The following POLK variants were observed in gnomAD, a reference collection of about 807,000 sequenced individuals.
POLK encodes DNA polymerase kappa.
POLK carries 76 observed loss-of-function variants against 94.0 expected under a neutral mutation model. The ratio of observed to expected loss-of-function variants is 0.81; its 90% CI spans 0.67 to 0.98. POLK has a LOEUF of 0.98. Ranked by LOEUF, POLK falls within the 50% of genes least tolerant of loss-of-function variation. The pLI is 0.00. For synonymous variants in POLK, 349 were observed against 325.4 expected (o/e 1.07, Z -0.78); for missense variants, 954 against 1,010.1 (o/e 0.94, Z 0.75).
intron 4 of POLK, among the ~76,000 whole-genome samples, chr5:75,571,462 T>TGAGCA (rs1339357803): frequency 1.3e-5 from 2 of 152,178 alleles, no homozygotes; most frequent in African/African-American, 2.4e-5. Context: ...TTCTGTAATT[T>TGAGCA]GAGCAGAGTG....
upstream of POLK, chr5:75,511,548 G>T (rs1231483472): frequency 2.7e-6 from 4 of 1,459,358 alleles, no homozygotes; most frequent in Non-Finnish European, 3.6e-6. Context: ...GGAAAAGAAG[G>T]GAAGAGAAAA....
chr5:75,597,760 A>G, exon 14 of POLK: 1 of 1,511,866 alleles, frequency 6.6e-7, no homozygotes, highest in Admixed American at 2.1e-5. Context: ...GCTCAAGTGG[A>G]GTACAGAAGG....
intron 6 of POLK, among the ~76,000 whole-genome samples, chr5:75,580,377 G>A (rs1200086417): frequency 6.6e-6 from 1 of 151,948 alleles, no homozygotes; most frequent in Non-Finnish European, 1.5e-5. Context: ...TAATAGATTT[G>A]TTCATGGAGA....
At chr5:75,551,857 A>G (rs1393056862) in intron 2 of POLK, among the ~76,000 whole-genome samples, 1 of 152,116 alleles carries the variant, frequency 6.6e-6, no homozygotes, top group African/African-American at 2.4e-5. Context: ...AAGAAACCCT[A>G]CTCCTAGTTA....
intron 12 of POLK, among the ~76,000 whole-genome samples, chr5:75,595,642 T>C (rs912395290): frequency 6.6e-6 from 1 of 152,208 alleles, no homozygotes; most frequent in African/African-American, 2.4e-5. Context: ...TTCCGTATGA[T>C]TCTATAATGA....
At chr5:75,527,506 C>T (rs868828636) in intron 1 of POLK, among the ~76,000 whole-genome samples, 1,628 of 102,712 alleles carry the variant, frequency 0.016, 36 homozygotes, top group African/African-American at 0.052. Context: ...TATATATACA[C>T]ACACACACAC....
At chr5:75,591,758 T>A (rs980890883) in intron 11 of POLK, among the ~76,000 whole-genome samples, 1 of 152,244 alleles carries the variant, frequency 6.6e-6, no homozygotes, top group African/African-American at 2.4e-5. Flanking sequence ...TGGGTAGTAC[T>A]ATACAGGTAT....
At chr5:75,536,045 G>T (rs1333403858) in intron 1 of POLK, among the ~76,000 whole-genome samples, 1 of 152,162 alleles carries the variant, frequency 6.6e-6, no homozygotes, top group Non-Finnish European at 1.5e-5. Context: ...TAGAGTTCTT[G>T]TGCTGGTTCT....
At chr5:75,551,529 A>G (rs1031987246) in intron 2 of POLK, among the ~76,000 whole-genome samples, 8 of 152,218 alleles carry the variant, frequency 5.3e-5, no homozygotes, top group South Asian at 2.1e-4. Context: ...AAGACAAGCA[A>G]CCGAATCAAA....
chr5:75,566,565 A>G (rs1189330474), intron 3 of POLK, among the ~76,000 whole-genome samples: 1 of 152,256 alleles, frequency 6.6e-6, no homozygotes, highest in East Asian at 1.9e-4. Context: ...TCTAGGCTGG[A>G]TAGCACCATC....
the POLK span, among the ~76,000 whole-genome samples, chr5:75,608,552 G>A: frequency 4.6e-5 from 7 of 152,250 alleles, no homozygotes; most frequent in South Asian, 6.2e-4. Context: ...TGTGGAAACC[G>A]ACACTAAACA....
At chr5:75,533,266 A>G (rs1455725152) in intron 1 of POLK, among the ~76,000 whole-genome samples, 1 of 152,110 alleles carries the variant, frequency 6.6e-6, no homozygotes, top group Non-Finnish European at 1.5e-5. Flanking sequence ...TTTGTGTATA[A>G]TGTAATAAAA....
chr5:75,555,777 G>A (rs1018106921), intron 3 of POLK, among the ~76,000 whole-genome samples: 9 of 152,156 alleles, frequency 5.9e-5, no homozygotes, highest in Non-Finnish European at 1.3e-4. Context: ...TGAAACTCCT[G>A]GCCTCATGTC....
At chr5:75,602,211 T>C (rs977611255), downstream of POLK, among the ~76,000 whole-genome samples, 1 of 152,152 alleles carries the variant, frequency 6.6e-6, no homozygotes, top group African/African-American at 2.4e-5. Flanking sequence ...TAGGCATGCA[T>C]CACCCATGTG....
intron 3 of POLK, among the ~76,000 whole-genome samples, chr5:75,569,117 CTT>C (rs1170668020): frequency 6.6e-6 from 1 of 152,048 alleles, no homozygotes; most frequent in African/African-American, 2.4e-5. Context: ...TAGATAAACA[CTT>C]ATAAACAATA....
At chr5:75,564,947 TTC>T (rs1487450606) in intron 3 of POLK, among the ~76,000 whole-genome samples, 3 of 152,230 alleles carry the variant, frequency 2.0e-5, no homozygotes, top group African/African-American at 7.2e-5. Flanking sequence ...GTTGGGGAAG[TTC>T]TCCTGGATAA....
At chr5:75,550,661 C>A (rs570767732) in intron 2 of POLK, among the ~76,000 whole-genome samples, 1 of 152,012 alleles carries the variant, frequency 6.6e-6, no homozygotes, top group Non-Finnish European at 1.5e-5. Context: ...AAAAACCACA[C>A]GATCATCTTA....
At chr5:75,573,920 C>T (rs1256681957) in intron 5 of POLK, 51 bp downstream of exon 5, 1 of 1,586,488 alleles carries the variant, frequency 6.3e-7, no homozygotes, top group Non-Finnish European at 8.6e-7. Context: ...TTCCTGTCAC[C>T]TACAGAATCT....
chr5:75,564,281 T>C (rs1035901663), intron 3 of POLK, among the ~76,000 whole-genome samples: 1 of 152,072 alleles, frequency 6.6e-6, no homozygotes, highest in African/African-American at 2.4e-5. Context: ...TTTTGTTTGG[T>C]AAATCTTCCT....
Sources: gnomAD v4.1 joint callset for allele counts (sites outside exome capture counted in the v4.1 genomes callset) on GRCh38, gnomAD v4.1.1 for gene constraint, MANE v1.5 for transcripts, NCBI Gene and HGNC (gene_info 2026-07-23, HGNC 2026-07-21) for gene names.